Variants in FREM3 observed in about 807,000 individuals in gnomAD.
FREM3 encodes the protein FRAS1 related extracellular matrix 3.
In FREM3, 105 loss-of-function variants were observed where a neutral mutation model predicts 129.1. The ratio of observed to expected loss-of-function variants is 0.81; its 90% CI spans 0.69 to 0.96. The LOEUF is 0.96. Ranked by LOEUF, FREM3 falls within the 40% of genes least tolerant of loss-of-function variation. The probability of loss-of-function intolerance (pLI) is 0.00; values close to 1 mark genes in which losing one functional copy is unlikely to be tolerated. For synonymous variants in FREM3, 1,014 were observed against 1,044.9 expected, an observed-to-expected ratio of 0.97 and a Z score of 0.57; for missense variants, 2,593 against 2,666.3, an observed-to-expected ratio of 0.97 and a Z score of 0.61.
intron 2 of FREM3, among the ~76,000 whole-genome samples, chr4:143,628,871 G>C (rs940961068): frequency 6.6e-6 from 1 of 152,120 alleles, no homozygotes; most frequent in Non-Finnish European, 1.5e-5. Context: ...AGATTGGCAG[G>C]GTAAAGGAGT....
At chr4:143,687,800 C>A (rs965860633) in intron 2 of FREM3, among the ~76,000 whole-genome samples, 7 of 152,068 alleles carry the variant, frequency 4.6e-5, no homozygotes, top group Non-Finnish European at 7.4e-5. Context: ...GAGCATTTGA[C>A]AAAATCCAGC....
At chr4:143,669,392 G>A (rs1739924622) in intron 2 of FREM3, among the ~76,000 whole-genome samples, 1 of 152,134 alleles carries the variant, frequency 6.6e-6, no homozygotes, top group South Asian at 2.1e-4. Context: ...TGCAGCCTTA[G>A]GCCCCTGAGT....
At chr4:143,594,360 A>G (rs955739748) in intron 6 of FREM3, among the ~76,000 whole-genome samples, 1 of 152,168 alleles carries the variant, frequency 6.6e-6, no homozygotes, top group African/African-American at 2.4e-5. Context: ...CTATTTGGCC[A>G]TCTTGGCTCC....
In FREM3 at chr4:143,693,204, T is replaced by TA. The variant is rs751413333; in HGVS notation, c.5186-3dup. 8.7e-4 allele frequency: 1,255 copies of TA among 1,442,356 alleles called. No individual in the cohort carries two copies. The highest frequency in any genetic ancestry group is 6.5e-3 in the East Asian group (252 of 38,886). The allele number at this position is 1,442,356 out of a possible 1,614,324, so 89.3% of individuals were successfully genotyped here. A position where few individuals can be genotyped will look rare whatever the true frequency, so the allele number is the denominator to read the frequency against. On this transcript the variant is annotated splice_region_variant and splice_polypyrimidine_tract_variant and intron_variant, in intron 1 of 7. Coordinates refer to ENST00000329798, the MANE Select transcript of FREM3 (RefSeq NM_001168235.2). ...ATATCTTCATCTCATCAATGTCAGC[T>TA]AAAAAAAAAGCAACCATCACACAAA...
intron 6 of FREM3, among the ~76,000 whole-genome samples, chr4:143,588,006 C>A (rs1016365406): frequency 1.3e-5 from 2 of 152,130 alleles, no homozygotes; most frequent in Non-Finnish European, 2.9e-5. Flanking sequence ...TCCAGGAATA[C>A]CACTTAACCC....
At chr4:143,587,243 A>G (rs975625898) in intron 6 of FREM3, among the ~76,000 whole-genome samples, 3 of 151,208 alleles carry the variant, frequency 2.0e-5, no homozygotes, top group African/African-American at 7.3e-5. Context: ...TCATTTTTTT[A>G]AGACTTTATT....
intron 5 of FREM3, among the ~76,000 whole-genome samples, chr4:143,617,931 C>T (rs1220178133): frequency 6.6e-6 from 1 of 152,138 alleles, no homozygotes; most frequent in Non-Finnish European, 1.5e-5. Context: ...TCAAGCTGGG[C>T]TTCTTCTGGT....
intron 1 of FREM3, among the ~76,000 whole-genome samples, chr4:143,693,954 C>A (rs80096907): frequency 0.01 from 1,580 of 151,812 alleles, 35 homozygotes; most frequent in African/African-American, 0.036. Flanking sequence ...GATAAGAACT[C>A]ATGAATACAA....
At chr4:143,655,228 C>G (rs2149850092) in intron 2 of FREM3, among the ~76,000 whole-genome samples, 1 of 152,220 alleles carries the variant, frequency 6.6e-6, no homozygotes, top group East Asian at 1.9e-4. Flanking sequence ...AAAATTGAAG[C>G]TGTAAAGGCA....
intron 2 of FREM3, among the ~76,000 whole-genome samples, chr4:143,668,206 A>G (rs1739899545): frequency 6.6e-6 from 1 of 152,216 alleles, no homozygotes; most frequent in African/African-American, 2.4e-5. Flanking sequence ...GATGAACATG[A>G]TGAGTATCCA....
intron 2 of FREM3, among the ~76,000 whole-genome samples, chr4:143,653,750 A>G (rs1027795244): frequency 2.0e-5 from 3 of 152,220 alleles, no homozygotes; most frequent in African/African-American, 7.2e-5. Flanking sequence ...TACTCAAAAT[A>G]CTGATGCCCA....
intron 2 of FREM3, among the ~76,000 whole-genome samples, chr4:143,648,843 G>A (rs1739463811): frequency 6.6e-6 from 1 of 152,142 alleles, no homozygotes; most frequent in Admixed American, 6.6e-5. Context: ...GCTCAATGCA[G>A]CCTCAAACTC....
Position 143,697,390 on chromosome 4 carries a change from C to G in FREM3, c.3286G>C (p.Glu1096Gln). ...TCATCTTGATGAGTGTCCACATCTT[C>G]AACATGGAGATGTTGTAAGGTCAAG... The part of the protein sequence containing the change: ...NSLTLQHLHV[E>Q]DVDTHQDELL... The change falls in exon 1 of 8, where the codon GAA becomes CAA. Residue 1096 changes from glutamate to glutamine, a missense_variant. Coordinates refer to ENST00000329798, the MANE Select transcript of FREM3 (RefSeq NM_001168235.2). 1 of 1,537,274 alleles carries G rather than the reference C, an allele frequency of 6.5e-7. No homozygotes were observed. The highest frequency in any genetic ancestry group is 8.7e-7 in the Non-Finnish European group (1 of 1,146,908).
intron 2 of FREM3, among the ~76,000 whole-genome samples, chr4:143,685,657 A>G (rs1740350320): frequency 6.6e-6 from 1 of 152,252 alleles, no homozygotes; most frequent in Non-Finnish European, 1.5e-5. Flanking sequence ...CGATGACTGC[A>G]ATAGTACTTC....
At chr4:143,679,015 A>C (rs1467286070) in intron 2 of FREM3, among the ~76,000 whole-genome samples, 1 of 152,198 alleles carries the variant, frequency 6.6e-6, no homozygotes. Flanking sequence ...ATACATAACA[A>C]GTTCACTTTT....
intron 2 of FREM3, among the ~76,000 whole-genome samples, chr4:143,683,041 C>A (rs896170968): frequency 1.3e-5 from 2 of 152,088 alleles, no homozygotes; most frequent in African/African-American, 4.8e-5. Flanking sequence ...CCACTTCCGG[C>A]TTTGAAGACG....
At chr4:143,658,615 G>T (rs1332894717) in intron 2 of FREM3, among the ~76,000 whole-genome samples, 5 of 152,216 alleles carry the variant, frequency 3.3e-5, no homozygotes, top group African/African-American at 1.2e-4. Flanking sequence ...GAACAAGCTT[G>T]TCCAACCTGT....
chr4:143,664,294 C>G (rs947097925), intron 2 of FREM3, among the ~76,000 whole-genome samples: 1 of 152,124 alleles, frequency 6.6e-6, no homozygotes, highest in Non-Finnish European at 1.5e-5. Context: ...TGTTAGTTTT[C>G]CTTCTAACAG....
chr4:143,609,093 A>C (rs957349476), intron 6 of FREM3, among the ~76,000 whole-genome samples: 2 of 152,126 alleles, frequency 1.3e-5, no homozygotes, highest in Non-Finnish European at 2.9e-5. Flanking sequence ...TCCTTATTTC[A>C]AGATTGGGAA....
Sources: allele counts gnomAD v4.1 joint callset (sites outside exome capture counted in the v4.1 genomes callset), GRCh38; gene constraint gnomAD v4.1.1; transcripts MANE v1.5; gene names NCBI Gene and HGNC (gene_info 2026-07-23, HGNC 2026-07-21).